The following NBEA variants were observed in gnomAD, a reference collection of about 807,000 sequenced individuals.
NBEA encodes neurobeachin.
In NBEA, 44 loss-of-function variants were observed where a neutral mutation model predicts 343.4. The observed-to-expected ratio is 0.13, with a 90% confidence interval of 0.10 to 0.16. The LOEUF is 0.16. Among genes scored for constraint, NBEA ranks in the 10% least tolerant of loss-of-function variants. NBEA has a pLI of 1.00. For synonymous variants in NBEA, 1,175 were observed against 1,238.7 expected (o/e 0.95, Z 1.08); for missense variants, 2,555 against 3,631.3 (o/e 0.70, Z 7.62).
chr13:35,620,555 A>G (rs1166442701), intron 48 of NBEA, among the ~76,000 whole-genome samples: 6 of 146,546 alleles, frequency 4.1e-5, no homozygotes, highest in Admixed American at 2.0e-4. Flanking sequence ...GAAGGCCATC[A>G]TAAGTACTTT....
At chr13:35,096,676 A>G (rs1005459809) in intron 10 of NBEA, among the ~76,000 whole-genome samples, 2 of 151,944 alleles carry the variant, frequency 1.3e-5, no homozygotes, top group African/African-American at 2.4e-5. Flanking sequence ...TAAGAATTCT[A>G]TGAACAGATT....
intron 1 of NBEA, among the ~76,000 whole-genome samples, chr13:34,996,817 A>C (rs1488788066): frequency 6.6e-6 from 1 of 152,160 alleles, no homozygotes; most frequent in Non-Finnish European, 1.5e-5. Flanking sequence ...TGTTAAGTAA[A>C]TAGTATACAT....
intron 1 of NBEA, among the ~76,000 whole-genome samples, chr13:35,012,787 C>A (rs1410519974): frequency 1.3e-5 from 2 of 152,108 alleles, no homozygotes; most frequent in Admixed American, 6.6e-5. Flanking sequence ...TTAATTAGTG[C>A]CTTCCTGGAC....
chr13:35,440,649 G>A (rs2045691281), intron 39 of NBEA, among the ~76,000 whole-genome samples: 1 of 152,178 alleles, frequency 6.6e-6, no homozygotes, highest in Admixed American at 6.5e-5. Flanking sequence ...TGGGGAAATG[G>A]TATGAAGATG....
At chr13:34,968,089 A>G (rs1030397078) in intron 1 of NBEA, among the ~76,000 whole-genome samples, 4 of 152,104 alleles carry the variant, frequency 2.6e-5, no homozygotes, top group African/African-American at 9.7e-5. Context: ...ACTTACAATT[A>G]CAGTTTTATT....
At chr13:35,220,056 A>G (rs538515507) in intron 33 of NBEA, among the ~76,000 whole-genome samples, 3 of 152,242 alleles carry the variant, frequency 2.0e-5, no homozygotes, top group Non-Finnish European at 4.4e-5. Flanking sequence ...ACTTTGAGAA[A>G]CAGTGTGTAA....
At chr13:35,314,399 A>G (rs775090505) in intron 36 of NBEA, among the ~76,000 whole-genome samples, 5 of 152,070 alleles carry the variant, frequency 3.3e-5, no homozygotes, top group South Asian at 4.2e-4. Flanking sequence ...GCTTTAAGAC[A>G]TTGACTTCTC....
chr13:35,573,203 T>A (rs2080529634), intron 45 of NBEA, among the ~76,000 whole-genome samples: 2 of 152,214 alleles, frequency 1.3e-5, no homozygotes, highest in Non-Finnish European at 2.9e-5. Flanking sequence ...TGGATACTGT[T>A]TTAAACTCAT....
At chr13:35,224,077 T>G (rs1593821557) in intron 33 of NBEA, among the ~76,000 whole-genome samples, 1 of 152,294 alleles carries the variant, frequency 6.6e-6, no homozygotes, top group East Asian at 1.9e-4. Flanking sequence ...GCATCCAGTT[T>G]TTCTCAAACT....
Position 35,142,292 on chromosome 13 carries a change from CCCA to C in NBEA, c.2361_2363del (p.His788del). The C allele has an allele frequency of 6.2e-7, 1 of 1,612,956 alleles. No individual in the cohort carries two copies. The highest frequency in any genetic ancestry group is 8.5e-7 in the Non-Finnish European group (1 of 1,179,312). On this transcript the variant is annotated inframe_deletion, in exon 18 of 59. Transcript: ENST00000379939. Reference sequence around the variant, plus strand: ...AGGAGAAAAGTTGAAATTATGCACACCCATAGTCTTTTCACTCTTCTTGGAGAA... The same window carrying C: ...AGGAGAAAAGTTGAAATTATGCACACTAGTCTTTTCACTCTTCTTGGAGAA...
chr13:35,096,599 C>T (rs1299417580), intron 10 of NBEA, among the ~76,000 whole-genome samples: 5 of 151,782 alleles, frequency 3.3e-5, no homozygotes, highest in African/African-American at 1.2e-4. Flanking sequence ...CATTTCTAGT[C>T]GTTCTTTTTG....
In NBEA at chr13:35,480,687, A is replaced by G. The variant is rs142471963; in HGVS notation, c.6585+8151A>G. ...TTCTTTCCCCCTTCTTTTTTTTTAA[A>G]TGCACCCAGGCTATTTCAAGTGTTT... On this transcript the variant is annotated intron_variant, in intron 41 of 58. Transcript: ENST00000379939. Among the ~76,000 whole-genome samples the G allele has an allele frequency of 8.3e-3, 1,266 of 151,916 alleles. 9 individuals carry two copies. Among genetic ancestry groups the G allele is most frequent in the Non-Finnish European group, 0.012 (803 of 67,848 alleles).
chr13:35,524,529 C>G (rs564743160), intron 41 of NBEA, among the ~76,000 whole-genome samples: 1 of 152,274 alleles, frequency 6.6e-6, no homozygotes, highest in African/African-American at 2.4e-5. Context: ...AGTTCCAAAT[C>G]AAATTCTGTG....
At chr13:35,153,862 A>C (rs1221409009) in intron 18 of NBEA, among the ~76,000 whole-genome samples, 1 of 152,172 alleles carries the variant, frequency 6.6e-6, no homozygotes, top group East Asian at 1.9e-4. Context: ...GATCTCATCC[A>C]CTGGGCTATA....
At chr13:35,483,389 A>C (rs780888327) in intron 41 of NBEA, among the ~76,000 whole-genome samples, 1 of 152,010 alleles carries the variant, frequency 6.6e-6, no homozygotes, top group Non-Finnish European at 1.5e-5. Context: ...TTACATTTTC[A>C]GTAAATTAAC....
At chr13:35,512,808 C>A (rs1594847729) in intron 41 of NBEA, among the ~76,000 whole-genome samples, 1 of 152,168 alleles carries the variant, frequency 6.6e-6, no homozygotes, top group East Asian at 1.9e-4. Context: ...TTGATTCAGC[C>A]TAGAGGAGGT....
At chr13:35,025,680 A>G (rs1325225810) in intron 1 of NBEA, among the ~76,000 whole-genome samples, 1 of 152,096 alleles carries the variant, frequency 6.6e-6, no homozygotes, top group African/African-American at 2.4e-5. Flanking sequence ...AATTGAATAA[A>G]AGAGATGTCT....
chr13:35,495,722 G>A (rs748658873), intron 41 of NBEA, among the ~76,000 whole-genome samples: 1 of 151,968 alleles, frequency 6.6e-6, no homozygotes, highest in Non-Finnish European at 1.5e-5. Context: ...AGTGCACATG[G>A]AACATTCTCC....
At chr13:35,529,105 C>G (rs964982839) in intron 41 of NBEA, among the ~76,000 whole-genome samples, 30 of 123,804 alleles carry the variant, frequency 2.4e-4, no homozygotes, top group African/African-American at 8.7e-4. Flanking sequence ...TACACCCACT[C>G]TCTGATTCAC....
Sources: gnomAD v4.1 joint callset for allele counts (sites outside exome capture counted in the v4.1 genomes callset) on GRCh38, gnomAD v4.1.1 for gene constraint, MANE v1.5 for transcripts, NCBI Gene and HGNC (gene_info 2026-07-23, HGNC 2026-07-21) for gene names.